GRK6: variants seen among roughly 807,000 people sequenced by gnomAD.
The protein encoded by GRK6 is G protein-coupled receptor kinase 6.
A neutral mutation model predicts 80.8 loss-of-function variants in GRK6; 37 were observed. That is an observed-to-expected ratio of 0.46 (90% CI 0.35 to 0.60). The LOEUF is 0.60. GRK6 is among the 20% of genes least tolerant of loss of function. The probability of loss-of-function intolerance (pLI) is 0.00; values close to 1 mark genes in which losing one functional copy is unlikely to be tolerated. For missense variants in GRK6, 560 were observed against 784.6 expected (o/e 0.71, Z 3.42); for synonymous variants, 295 against 320.9 (o/e 0.92, Z 0.86).
intron 15 of GRK6, 70 bp downstream of exon 15, chr5:177,441,123 C>A: frequency 6.3e-7 from 1 of 1,580,490 alleles, no homozygotes; most frequent in Non-Finnish European, 8.6e-7. Context: ...GAGGCAGAGC[C>A]GGTGCCCGCA....
In GRK6 at chr5:177,432,309, C is replaced by T. The variant is rs149694282; in HGVS notation, c.338C>T (p.Thr113Met). ...CTAACGCAGAATTTTCTGAGCCACA[C>T]GGTGAGTGAGCAGCGATGGAGAGAT... Reference protein sequence around the residue: ...RQLTQNFLSHTGPDLIPEVPR... With the variant: ...RQLTQNFLSHMGPDLIPEVPR... Residue 113 changes from threonine to methionine, a missense_variant and splice_region_variant, in exon 4 of 16, where the codon ACG becomes ATG. By Grantham distance (81) the Thr-to-Met change is moderately conservative. Transcript: ENST00000355472. 8.7e-6 allele frequency: 14 copies of T among 1,612,286 alleles called. No individual in the cohort carries two copies. Among genetic ancestry groups the T allele is most frequent in the Admixed American group, 1.7e-5 (1 of 60,020 alleles).
chr5:177,441,726 C>A lies in GRK6; in HGVS notation c.1678-11C>A. 1 of 1,606,886 alleles carries A rather than the reference C, an allele frequency of 6.2e-7. No homozygotes were observed. The highest frequency in any genetic ancestry group is 8.5e-7 in the Non-Finnish European group (1 of 1,174,018). On this transcript the variant is annotated splice_polypyrimidine_tract_variant and intron_variant, in intron 15 of 15. Coordinates refer to ENST00000355472, the MANE Select transcript of GRK6 (RefSeq NM_001004106.3). ...TCTCTCCCTCCCTCCGTGTCTTCCC[C>A]GTCCCTCCAGGATTGCTGTGGAAAC...
In GRK6 at chr5:177,429,215, G is replaced by T. The variant is rs952205833; in HGVS notation, c.53-1657G>T. Reference sequence around the variant, plus strand: ...ATGGAGTGGGACAACGCTGGGGCTTGAGACCTCCCTCAGTACCCCTTCTCT... The same window carrying T: ...ATGGAGTGGGACAACGCTGGGGCTTTAGACCTCCCTCAGTACCCCTTCTCT... On this transcript the variant is annotated intron_variant, in intron 1 of 15. Coordinates refer to ENST00000355472, the MANE Select transcript of GRK6 (RefSeq NM_001004106.3). The surrounding 1 kb of genome is among the most constrained non-coding windows in gnomAD (Gnocchi z 4.3). Among the ~76,000 whole-genome samples, 3 of 152,122 alleles carry T rather than the reference G, an allele frequency of 2.0e-5. No individual in the cohort carries two copies. Among genetic ancestry groups the T allele is most frequent in the Non-Finnish European group, 2.9e-5 (2 of 68,020 alleles).
intron 13 of GRK6, among the ~76,000 whole-genome samples, 191 bp from the exon 14 acceptor site, chr5:177,440,509 G>A (rs539020058): frequency 8.5e-5 from 13 of 152,392 alleles, no homozygotes; most frequent in African/African-American, 2.9e-4. Context: ...AGTTCACAGA[G>A]GGGAAAACCA....
chr5:177,430,916 A>T lies in GRK6; in HGVS notation c.97A>T (p.Met33Leu), dbSNP rs772643880. 2.5e-6 allele frequency: 4 copies of T among 1,614,064 alleles called. No homozygotes were observed. Among genetic ancestry groups the T allele is most frequent in the Non-Finnish European group, 3.4e-6 (4 of 1,180,006 alleles). The change falls in exon 2 of 16, where the codon ATG (methionine) becomes TTG (leucine). Residue 33 changes from methionine (M) to leucine (L), a missense_variant. This residue lies in a region of GRK6 where 189 missense variants were observed against 230.2 expected (regional missense o/e 0.82). Coordinates refer to ENST00000355472, the MANE Select transcript of GRK6 (RefSeq NM_001004106.3). ...AGGCAAAAGCAAGAAATGGCGGCAG[A>T]TGCTCCAGTTCCCTCACATCAGCCA... ...RKGKSKKWRQ[M>L]LQFPHISQCE...
intron 4 of GRK6, among the ~76,000 whole-genome samples, 162 bp downstream of exon 4, chr5:177,432,472 C>T (rs770140030): frequency 6.6e-6 from 1 of 152,204 alleles, no homozygotes; most frequent in East Asian, 1.9e-4. Context: ...GGCAGCACGG[C>T]GGGCATGCAG....
chr5:177,436,514 C>T lies in GRK6; in HGVS notation c.1388C>T (p.Pro463Leu). The T allele has an allele frequency of 6.2e-7, 1 of 1,600,760 alleles. No individual in the cohort carries two copies. Among genetic ancestry groups the T allele is most frequent in the Non-Finnish European group, 8.5e-7 (1 of 1,173,344 alleles). The change falls in exon 13 of 16, where the codon CCG (proline) becomes CTG (leucine). Residue 463 changes from proline (P) to leucine (L), a missense_variant. Coordinates refer to ENST00000355472, the MANE Select transcript of GRK6 (RefSeq NM_001004106.3). The stretch of plus-strand genomic sequence containing the variant: ...CGGCTGGGAGCTGGCATGCTGGAGC[C>T]GCCGTTCAAGCCTGACGTGAGTGCA... ...FKRLGAGMLE[P>L]PFKPDPQAIY...
At chr5:177,436,334 T>TGCCCCCCCCCCC in intron 12 of GRK6, 53 bp downstream of exon 12, 3 of 1,556,010 alleles carry the variant, frequency 1.9e-6, no homozygotes, top group Non-Finnish European at 2.7e-6. Context: ...GATGCACCTT[T>TGCCCCCCCCCCC]CCCTCCCTCC....
At position 177,436,212 on chromosome 5, in the gene GRK6, G is replaced by A; in HGVS notation, c.1197G>A (p.Arg399=). 6.2e-7 allele frequency: 1 copy of A among 1,614,202 alleles called. No homozygotes were observed. The highest frequency in any genetic ancestry group is 8.5e-7 in the Non-Finnish European group (1 of 1,180,036). ...AGATCAAGCGGGAGGAGGTGGAGCGGCTGGTGAAGGAGGTCCCCGAGGAGT... is the reference window on the plus strand; with the variant it reads ...AGATCAAGCGGGAGGAGGTGGAGCGACTGGTGAAGGAGGTCCCCGAGGAGT... ...KKKIKREEVE[R]LVKEVPEEYS... is the part of the protein sequence containing the mutation. The change falls in exon 12 of 16, where the codon CGG becomes CGA. Residue 399 remains arginine, a synonymous_variant. Coordinates refer to ENST00000355472, the MANE Select transcript of GRK6 (RefSeq NM_001004106.3).
Position 177,433,530 on chromosome 5 carries a change from C to T in GRK6, c.598-6C>T. 2 of 1,614,028 alleles carry T rather than the reference C, an allele frequency of 1.2e-6. No individual in the cohort carries two copies. The highest frequency in any genetic ancestry group is 1.7e-6 in the Non-Finnish European group (2 of 1,179,996). On this transcript the variant is annotated splice_polypyrimidine_tract_variant and splice_region_variant and intron_variant, in intron 7 of 15. Transcript: ENST00000355472. ...CCCCCATTCGCCCCTGTCTGTCTGGCCACAGGTGTGCGCCTGCCAGGTGCG... is the reference window on the plus strand; with the variant it reads ...CCCCCATTCGCCCCTGTCTGTCTGGTCACAGGTGTGCGCCTGCCAGGTGCG...
At position 177,433,144 on chromosome 5, in the gene GRK6, C is replaced by T; in HGVS notation, c.441-3C>T. 3 of 1,613,040 alleles carry T rather than the reference C, an allele frequency of 1.9e-6. No homozygotes were observed. The highest frequency in any genetic ancestry group is 1.7e-6 in the Non-Finnish European group (2 of 1,179,580). On this transcript the variant is annotated splice_region_variant and splice_polypyrimidine_tract_variant and intron_variant, in intron 5 of 15. Coordinates refer to ENST00000355472, the MANE Select transcript of GRK6 (RefSeq NM_001004106.3). ...GTGAGCTGGGCCTGCCTTTCCTCAA[C>T]AGGCTGACCCACGAGTACCTGAGCG...
rs2127367807 is a variant in GRK6 at position 177,426,684 on chromosome 5, C to T, written c.-162C>T. ...GGCCCCCGGGAGGGGGCGGAGAGTG[C>T]GCGGCTGGCTGCGGCGGCCGGGGAG... On this transcript the variant is annotated 5_prime_UTR_variant, in exon 1 of 16. Transcript: ENST00000355472. 5.3e-6 allele frequency: 1 copy of T among 189,826 alleles called. No individual in the cohort carries two copies. Among genetic ancestry groups the T allele is most frequent in the Non-Finnish European group, 9.6e-6 (1 of 103,730 alleles). The allele number at this position is 189,826 out of a possible 1,614,324, so 11.8% of individuals were successfully genotyped here. A position where few individuals can be genotyped will look rare whatever the true frequency, so the allele number is the denominator to read the frequency against.
rs927001793 is a variant in GRK6, at chr5:177,429,420, G to A, written c.53-1452G>A. Among the ~76,000 whole-genome samples, 15 of 152,136 alleles carry A rather than the reference G, an allele frequency of 9.9e-5. No homozygotes were observed. Among genetic ancestry groups the A allele is most frequent in the South Asian group, 2.1e-4 (1 of 4,824 alleles). On this transcript the variant is annotated intron_variant, in intron 1 of 15. Transcript: ENST00000355472. This position sits in a 1 kb window ranked among gnomAD's most constrained non-coding sequence, Gnocchi z 4.3. ...AAGTAACTGAGGGTGGGAGGCTGGC[G>A]GATGGAGGGTTGGGTGAGGGACCTG...
intron 11 of GRK6, 134 bp from the exon 12 acceptor site, chr5:177,435,939 C>G (rs1245992482): frequency 7.0e-6 from 5 of 716,886 alleles, no homozygotes; most frequent in African/African-American, 1.8e-5. Flanking sequence ...GGCCTGTGCT[C>G]TCCTACTGGC....
rs959541574 is a variant in GRK6 at position 177,442,046 on chromosome 5, T to C, written c.*256T>C. 1 of 540,456 alleles carries C rather than the reference T, an allele frequency of 1.9e-6. No individual in the cohort carries two copies. The highest frequency in any genetic ancestry group is 2.0e-5 in the African/African-American group (1 of 50,914). 33.5% of individuals were successfully genotyped at this position (540,456 alleles called of 1,614,324 possible). A position where few individuals can be genotyped will look rare whatever the true frequency, so the allele number is the denominator to read the frequency against. On this transcript the variant is annotated 3_prime_UTR_variant, in exon 16 of 16. Coordinates refer to ENST00000355472, the MANE Select transcript of GRK6 (RefSeq NM_001004106.3). ...TCGGGGCTTTCTGTATTTATGTATT[T>C]GTACGAATGTATATAGCGACCAGAG...
At chr5:177,431,948 A>T (rs755793464) in intron 2 of GRK6, 47 bp from the exon 3 acceptor site, 49 of 1,550,734 alleles carry the variant, frequency 3.2e-5, no homozygotes, top group Non-Finnish European at 4.2e-5. Flanking sequence ...TGCCCCACCC[A>T]TGTGCTCTCG....
At chr5:177,432,174 C>T (rs1763930563) in intron 3 of GRK6, 59 bp from the exon 4 acceptor site, 1 of 1,610,482 alleles carries the variant, frequency 6.2e-7, no homozygotes, top group Non-Finnish European at 8.5e-7. Flanking sequence ...TGCCCCTCCT[C>T]CCCACACCTG....
chr5:177,441,114 A>G (rs1394542415), intron 15 of GRK6, 61 bp downstream of exon 15: 1 of 1,592,520 alleles, frequency 6.3e-7, no homozygotes, highest in East Asian at 2.3e-5. Context: ...GGTGGGTGGG[A>G]GGCAGAGCCG....
intron 2 of GRK6, among the ~76,000 whole-genome samples, chr5:177,431,341 T>A (rs1763880203): frequency 1.3e-5 from 2 of 152,126 alleles, no homozygotes; most frequent in Admixed American, 1.3e-4. Flanking sequence ...GGGCGTAGCC[T>A]CCCAGGCCCA....
Sources: gnomAD v4.1 joint callset for allele counts (sites outside exome capture counted in the v4.1 genomes callset) on GRCh38, gnomAD v4.1.1 for gene constraint, gnomAD v4.1.1 regional missense constraint, Gnocchi (gnomAD v3.1) non-coding constraint, MANE v1.5 for transcripts, NCBI Gene and HGNC (gene_info 2026-07-23, HGNC 2026-07-21) for gene names.